Variants in RAI1 observed in about 807,000 individuals in gnomAD.
The protein encoded by RAI1 is retinoic acid induced 1.
A neutral mutation model predicts 123.8 loss-of-function variants in RAI1; 9 were observed. That is an observed-to-expected ratio of 0.07 (90% CI 0.04 to 0.13). The LOEUF is 0.13. Among genes scored for constraint, RAI1 ranks in the 10% least tolerant of loss-of-function variants. The probability of loss-of-function intolerance (pLI) is 1.00; values close to 1 mark genes in which losing one functional copy is unlikely to be tolerated. For missense variants in RAI1, 2,256 were observed against 2,545.8 expected (o/e 0.89, Z 2.45); for synonymous variants, 1,231 against 1,127.3 (o/e 1.09, Z -1.84).
Position 17,681,698 on chromosome 17 carries a change from G to C in RAI1, c.-244G>C. On this transcript the variant is annotated 5_prime_UTR_variant, in exon 1 of 6. Transcript: ENST00000353383. Reference sequence around the variant, plus strand: ...CTTCCTGCCTGGCCGCGGGCCGGCCGGGCCGCCGCGCCCCGACCCCCATGG... The same window carrying C: ...CTTCCTGCCTGGCCGCGGGCCGGCCCGGCCGCCGCGCCCCGACCCCCATGG... 1 of 298,532 alleles carries C rather than the reference G, an allele frequency of 3.3e-6. No individual in the cohort carries two copies. The highest frequency in any genetic ancestry group is 6.2e-6 in the Non-Finnish European group (1 of 161,862). 18.5% of individuals were successfully genotyped at this position (298,532 alleles called of 1,614,324 possible).
chr17:17,706,703 A>C (rs1270353170), intron 1 of RAI1, among the ~76,000 whole-genome samples: 1 of 152,108 alleles, frequency 6.6e-6, no homozygotes, highest in Non-Finnish European at 1.5e-5. Flanking sequence ...CATTGAAGTG[A>C]GAATCACCCC....
Position 17,796,008 on chromosome 17 carries a change from G to T in RAI1, c.3060G>T (p.Leu1020=). 1 of 1,596,570 alleles carries T rather than the reference G, an allele frequency of 6.3e-7. No individual in the cohort carries two copies. ...AEDSPCRAPV[L]PKDLLLPESC... Reference sequence around the variant, plus strand: ...ACTCCCCATGCAGGGCACCAGTGCTGCCCAAAGACCTCTTGCTCCCTGAAT... The same window carrying T: ...ACTCCCCATGCAGGGCACCAGTGCTTCCCAAAGACCTCTTGCTCCCTGAAT... The change falls in exon 3 of 6, where the codon CTG becomes CTT. Residue 1020 remains leucine (L), a synonymous_variant. Transcript: ENST00000353383. This position sits in a 1 kb window ranked among gnomAD's most constrained non-coding sequence, Gnocchi z 5.8.
chr17:17,809,010 A>T lies in RAI1; in HGVS notation c.5660-380A>T, dbSNP rs2032651816. Among the ~76,000 whole-genome samples, 1 of 152,142 alleles carries T rather than the reference A, an allele frequency of 6.6e-6. No homozygotes were observed. Among genetic ancestry groups the T allele is most frequent in the Non-Finnish European group, 1.5e-5 (1 of 68,026 alleles). On this transcript the variant is annotated intron_variant, in intron 4 of 5. Coordinates refer to ENST00000353383, the MANE Select transcript of RAI1 (RefSeq NM_030665.4). The surrounding 1 kb of genome is among the most constrained non-coding windows in gnomAD (Gnocchi z 4.9). ...GGGAGCTTGCCTGCCAGTGGGGAAG[A>T]AACAAGGAGCAAGACAAGATCACAC...
Position 17,797,764 on chromosome 17 carries a change from G to A in RAI1, c.4816G>A (p.Ala1606Thr), listed in dbSNP as rs575260371. ...CTTCGTGCGGGTGGAGAAGCGAGAC[G>A]CGTTCACCACCATATGCACTGTTGT... ...SPFVRVEKRD[A>T]FTTICTVVNS... Residue 1606 changes from alanine to threonine, a missense_variant, in exon 3 of 6, where the codon GCG becomes ACG. Ala to Thr is a moderately conservative substitution (Grantham distance 58). Coordinates refer to ENST00000353383, the MANE Select transcript of RAI1 (RefSeq NM_030665.4). 7.2e-5 allele frequency: 117 copies of A among 1,614,080 alleles called. No individual in the cohort carries two copies. The highest frequency in any genetic ancestry group is 1.6e-4 in the Middle Eastern group (1 of 6,062).
chr17:17,769,446 C>G (rs191288067), intron 2 of RAI1, among the ~76,000 whole-genome samples: 1 of 152,348 alleles, frequency 6.6e-6, no homozygotes, highest in East Asian at 1.9e-4. Context: ...CTCAAGAGGT[C>G]TGAGCAGCAT....
intron 2 of RAI1, among the ~76,000 whole-genome samples, chr17:17,726,496 C>T (rs930148177): frequency 2.0e-5 from 3 of 152,230 alleles, no homozygotes; most frequent in African/African-American, 4.8e-5. Flanking sequence ...TTCCCCAGAC[C>T]TCGAGTTTCC....
chr17:17,756,369 G>A (rs964744841), intron 2 of RAI1, among the ~76,000 whole-genome samples: 2 of 151,862 alleles, frequency 1.3e-5, no homozygotes, highest in Non-Finnish European at 2.9e-5. Context: ...GGCTAATTTT[G>A]TATTTTTATT....
intron 2 of RAI1, among the ~76,000 whole-genome samples, chr17:17,783,224 C>A (rs1014371078): frequency 6.6e-6 from 1 of 151,970 alleles, no homozygotes; most frequent in Non-Finnish European, 1.5e-5. Context: ...GGACCGGGCC[C>A]GCCCCGGGAG....
intron 1 of RAI1, among the ~76,000 whole-genome samples, chr17:17,711,850 G>C (rs73981028): frequency 4.9e-4 from 75 of 152,354 alleles, no homozygotes; most frequent in South Asian, 1.0e-3. Context: ...TGGGGCCTCC[G>C]AGGAGGGACA....
intron 2 of RAI1, among the ~76,000 whole-genome samples, chr17:17,745,191 G>T (rs993424195): frequency 3.3e-5 from 5 of 152,146 alleles, no homozygotes; most frequent in Admixed American, 1.3e-4. Context: ...ACTCCACAGA[G>T]ATCACAAGTT....
intron 1 of RAI1, among the ~76,000 whole-genome samples, chr17:17,723,632 C>G (rs1489456977): frequency 6.7e-6 from 1 of 150,364 alleles, no homozygotes; most frequent in Non-Finnish European, 1.5e-5. Flanking sequence ...CCCCGGCGCC[C>G]CCTCCTCCCG....
In RAI1 at chr17:17,798,202, G is replaced by T; in HGVS notation, c.5254G>T (p.Gly1752Trp). The change falls in exon 3 of 6, where the codon GGG becomes TGG. Residue 1752 changes from glycine to tryptophan, a missense_variant. Transcript: ENST00000353383. ...GPECAAAATA[G>W]KPPRPDGPAD... ...CGAGTGTGCAGCTGCCGCCACTGCC[G>T]GGAAGCCCCCCAGGCCTGACGGCCC... The T allele has an allele frequency of 6.2e-7, 1 of 1,612,608 alleles. No individual in the cohort carries two copies. Among genetic ancestry groups the T allele is most frequent in the Non-Finnish European group, 8.5e-7 (1 of 1,179,802 alleles).
chr17:17,785,949 GA>G (rs1255816461), intron 2 of RAI1, among the ~76,000 whole-genome samples: 67 of 152,306 alleles, frequency 4.4e-4, no homozygotes, highest in African/African-American at 1.5e-3. Flanking sequence ...AAGTATGAAA[GA>G]AAAAACTTTG....
chr17:17,785,069 C>T (rs1453407197), intron 2 of RAI1, among the ~76,000 whole-genome samples: 1 of 152,226 alleles, frequency 6.6e-6, no homozygotes, highest in African/African-American at 2.4e-5. Flanking sequence ...TGTGTGTCTG[C>T]CTGCCTCTGG....
chr17:17,795,403 A>G lies in RAI1; in HGVS notation c.2455A>G (p.Lys819Glu). 1 of 1,591,314 alleles carries G rather than the reference A, an allele frequency of 6.3e-7. No individual in the cohort carries two copies. The highest frequency in any genetic ancestry group is 8.6e-7 in the Non-Finnish European group (1 of 1,166,552). Residue 819 changes from lysine (K) to glutamate (E), a missense_variant, in exon 3 of 6, where the codon AAG becomes GAG. Lys to Glu is a moderately conservative substitution (Grantham distance 56). Coordinates refer to ENST00000353383, the MANE Select transcript of RAI1 (RefSeq NM_030665.4). The surrounding 1 kb of genome is among the most constrained non-coding windows in gnomAD (Gnocchi z 5.9). ...DFKQEEVGGV[K>E]EEAGGLLQCP... The stretch of plus-strand genomic sequence containing the variant: ...CAAGCAGGAGGAGGTGGGTGGGGTG[A>G]AGGAGGAGGCAGGTGGGCTGCTGCA...
intron 2 of RAI1, among the ~76,000 whole-genome samples, chr17:17,734,900 A>G: frequency 6.6e-6 from 1 of 152,290 alleles, no homozygotes; most frequent in African/African-American, 2.4e-5. Flanking sequence ...AAGAACAGCC[A>G]TCTCTCTCTC....
chr17:17,769,871 G>A (rs921356056), intron 2 of RAI1, among the ~76,000 whole-genome samples: 1 of 152,098 alleles, frequency 6.6e-6, no homozygotes, highest in African/African-American at 2.4e-5. Context: ...GAGATGGGTC[G>A]GGTGGAGGGA....
intron 1 of RAI1, among the ~76,000 whole-genome samples, chr17:17,693,421 TC>T (rs1426081540): frequency 1.3e-5 from 2 of 152,220 alleles, no homozygotes; most frequent in Non-Finnish European, 2.9e-5. Context: ...GCTGGGCCTC[TC>T]CAGCTCCCCT....
At chr17:17,768,434 C>T (rs116247134) in intron 2 of RAI1, among the ~76,000 whole-genome samples, 1,815 of 152,308 alleles carry the variant, frequency 0.012, 35 homozygotes, top group African/African-American at 0.04. Flanking sequence ...CAGGGCACCC[C>T]ACACATCCAC....
Sources: gnomAD v4.1 joint callset for allele counts (sites outside exome capture counted in the v4.1 genomes callset) on GRCh38, gnomAD v4.1.1 for gene constraint, Gnocchi (gnomAD v3.1) non-coding constraint, MANE v1.5 for transcripts, NCBI Gene and HGNC (gene_info 2026-07-23, HGNC 2026-07-21) for gene names.